TIMELESS: variants seen among roughly 807,000 people sequenced by gnomAD.
TIMELESS encodes the protein protein timeless homolog.
A neutral mutation model predicts 164.3 loss-of-function variants in TIMELESS; 124 were observed. The observed-to-expected ratio is 0.75, with a 90% confidence interval of 0.65 to 0.88. TIMELESS has a LOEUF of 0.88. Ranked by LOEUF, TIMELESS falls within the 40% of genes least tolerant of loss-of-function variation. TIMELESS has a pLI of 0.00. For missense variants in TIMELESS, 1,422 were observed against 1,491.4 expected, an observed-to-expected ratio of 0.95 and a Z score of 0.77; for synonymous variants, 564 against 563.4, an observed-to-expected ratio of 1.00 and a Z score of -0.02.
intron 18 of TIMELESS, 141 bp from the exon 19 acceptor site, chr12:56,423,133 C>A: frequency 7.2e-7 from 1 of 1,393,836 alleles, no homozygotes; most frequent in Non-Finnish European, 9.7e-7. Context: ...GCAGCTCCCT[C>A]AACCTGCCTG....
At chr12:56,423,058 G>C in intron 18 of TIMELESS, 66 bp from the exon 19 acceptor site, 1 of 1,557,348 alleles carries the variant, frequency 6.4e-7, no homozygotes, top group Non-Finnish European at 8.7e-7. Flanking sequence ...TGGCCCTCTA[G>C]GTATTTTCTC....
At position 56,417,699 on chromosome 12, in the gene TIMELESS, C is replaced by G. The variant is rs1324278363; in HGVS notation, c.*17G>C. The G allele has an allele frequency of 1.2e-6, 2 of 1,613,942 alleles. No individual in the cohort carries two copies. The highest frequency in any genetic ancestry group is 1.7e-6 in the Non-Finnish European group (2 of 1,179,924). On this transcript the variant is annotated 3_prime_UTR_variant, in exon 29 of 29. Transcript: ENST00000553532. ...TCTAAAAACGTGTCTATCTCTACCCCTAGGCTTCTTAGCTCTTCAGTCATC... is the reference window on the plus strand; with the variant it reads ...TCTAAAAACGTGTCTATCTCTACCCGTAGGCTTCTTAGCTCTTCAGTCATC...
intron 6 of TIMELESS, 62 bp downstream of exon 6, chr12:56,432,953 CAAAAAAAAAAA>C (rs67816652): frequency 1.1e-5 from 6 of 546,276 alleles, no homozygotes; most frequent in Non-Finnish European, 1.6e-5. Flanking sequence ...GACTCCGTCT[CAAAAAAAAAAA>C]AAAAAAAAAA....
At position 56,421,373 on chromosome 12, in the gene TIMELESS, T is replaced by C; in HGVS notation, c.2846A>G (p.Lys949Arg). The C allele has an allele frequency of 6.2e-7, 1 of 1,613,974 alleles. No individual in the cohort carries two copies. Among genetic ancestry groups the C allele is most frequent in the East Asian group, 2.2e-5 (1 of 44,888 alleles). The change falls in exon 23 of 29, where the codon AAA (lysine) becomes AGA (arginine). Residue 949 changes from lysine (K) to arginine (R), a missense_variant. Transcript: ENST00000553532. ...ERRELYKKRQ[K>R]KLASSILPNG... is the part of the protein sequence containing the mutation. ...TACCAAGATGGAGGATGCCAACTTT[T>C]TCTGCCGTTTCTTGTACAGCTCCCG...
In TIMELESS at chr12:56,423,487, C is replaced by T. The variant is rs1418419653; in HGVS notation, c.2091-12G>A. 3.1e-6 allele frequency: 5 copies of T among 1,613,820 alleles called. No homozygotes were observed. The highest frequency in any genetic ancestry group is 3.4e-6 in the Non-Finnish European group (4 of 1,179,896). Reference sequence around the variant, plus strand: ...TTGAACATGCAAAGCTGCACCAAAACAAGGAGGGAGAGGATGTCAGCATAA... The same window carrying T: ...TTGAACATGCAAAGCTGCACCAAAATAAGGAGGGAGAGGATGTCAGCATAA... On this transcript the variant is annotated splice_polypyrimidine_tract_variant and intron_variant, in intron 17 of 28. Transcript: ENST00000553532.
intron 1 of TIMELESS, among the ~76,000 whole-genome samples, chr12:56,437,753 A>G (rs1353322610): frequency 1.3e-5 from 2 of 152,200 alleles, no homozygotes; most frequent in African/African-American, 4.8e-5. Flanking sequence ...GGCAAGTCAT[A>G]TGCATCAAAG....
At position 56,423,051 on chromosome 12, in the gene TIMELESS, C is replaced by T. The variant is rs543378999; in HGVS notation, c.2293-59G>A. ...TGGTCCAATGCAGACCCGAACCTGG[C>T]CCTCTAGGTATTTTCTCTATAGCTG... On this transcript the variant is annotated intron_variant, in intron 18 of 28. Coordinates refer to ENST00000553532, the MANE Select transcript of TIMELESS (RefSeq NM_003920.5). The T allele has an allele frequency of 1.2e-5, 19 of 1,564,896 alleles. No individual in the cohort carries two copies. The Admixed American group carries it at 2.4e-4, about 20-fold the overall frequency.
In TIMELESS at chr12:56,420,653, T is replaced by C; in HGVS notation, c.3144A>G (p.Thr1048=). 1 of 1,614,250 alleles carries C rather than the reference T, an allele frequency of 6.2e-7. No homozygotes were observed. The highest frequency in any genetic ancestry group is 8.5e-7 in the Non-Finnish European group (1 of 1,180,038). The change falls in exon 26 of 29, where the codon ACA becomes ACG. Residue 1048 remains threonine (T), a synonymous_variant. Transcript: ENST00000553532. The part of the protein sequence containing the change: ...CSQAVPLVPL[T]EENEEAMENE... ...TTTCCATGGCTTCCTCATTTTCCTCTGTGAGTGGCACCAATGGAACGGCCT... is the reference window on the plus strand; with the variant it reads ...TTTCCATGGCTTCCTCATTTTCCTCCGTGAGTGGCACCAATGGAACGGCCT...
At chr12:56,435,700 C>T (rs886290522) in intron 1 of TIMELESS, among the ~76,000 whole-genome samples, 5 of 152,190 alleles carry the variant, frequency 3.3e-5, no homozygotes, top group Non-Finnish European at 7.3e-5. Context: ...TGGCTCATGC[C>T]TGTAATCCCA....
At chr12:56,437,501 G>C (rs1882111210) in intron 1 of TIMELESS, among the ~76,000 whole-genome samples, 1 of 151,734 alleles carries the variant, frequency 6.6e-6, no homozygotes, top group Non-Finnish European at 1.5e-5. Flanking sequence ...ACGGCTCACT[G>C]TAACTGAGGA....
At chr12:56,434,792 C>A (rs1314573062) in intron 1 of TIMELESS, among the ~76,000 whole-genome samples, 1 of 152,036 alleles carries the variant, frequency 6.6e-6, no homozygotes, top group Non-Finnish European at 1.5e-5. Context: ...TGGCTCATGC[C>A]TATAATCTCA....
chr12:56,423,592 G>A lies in TIMELESS; in HGVS notation c.2082C>T (p.Tyr694=), dbSNP rs775153230. 4.3e-6 allele frequency: 7 copies of A among 1,613,984 alleles called. No individual in the cohort carries two copies. The East Asian group carries it at 6.7e-5, about 15-fold the overall frequency. The change falls in exon 17 of 29, where the codon TAC becomes TAT. Residue 694 remains tyrosine, a synonymous_variant. Transcript: ENST00000553532. The stretch of plus-strand genomic sequence containing the variant: ...GGCCTCTCAGCCCGCACCGTTTCAG[G>A]TAGTCCAGAAAATTAAATTCTTTCT... The part of the protein sequence containing the change: ...VSEKEFNFLD[Y]LKRFACSTVV...
In TIMELESS at chr12:56,423,633, C is replaced by T. The variant is rs1881575893; in HGVS notation, c.2041G>A (p.Val681Met). The T allele has an allele frequency of 1.2e-6, 2 of 1,614,038 alleles. No individual in the cohort carries two copies. Among genetic ancestry groups the T allele is most frequent in the Admixed American group, 1.7e-5 (1 of 60,002 alleles). Residue 681 changes from valine (V) to methionine (M), a missense_variant, in exon 17 of 29, where the codon GTG becomes ATG. Physicochemically the swap from Val to Met is conservative, Grantham distance 21. Transcript: ENST00000553532. The part of the protein sequence containing the change: ...EEEEEEEELQ[V>M]VQVSEKEFNF... Reference sequence around the variant, plus strand: ...AATTCTTTCTCCGACACCTGGACCACTTGCAACTCCTCCTCTTCCTCCTCC... The same window carrying T: ...AATTCTTTCTCCGACACCTGGACCATTTGCAACTCCTCCTCTTCCTCCTCC...
intron 9 of TIMELESS, 36 bp downstream of exon 9, chr12:56,430,845 C>G: frequency 7.1e-7 from 1 of 1,410,660 alleles, no homozygotes; most frequent in Non-Finnish European, 9.8e-7. Context: ...CTATGCAACT[C>G]CACTATGTTC....
At chr12:56,434,252 A>T (rs1242243003) in intron 1 of TIMELESS, 21 bp from the exon 2 acceptor site, 11 of 1,163,352 alleles carry the variant, frequency 9.5e-6, no homozygotes, top group Admixed American at 5.4e-5. Context: ...AGAGAAAGAT[A>T]AAAAATGTAA....
chr12:56,434,259 G>T (rs971383558), intron 1 of TIMELESS, 28 bp from the exon 2 acceptor site: 18 of 1,074,562 alleles, frequency 1.7e-5, no homozygotes, highest in Middle Eastern at 4.0e-4. Context: ...GATAAAAAAT[G>T]TAAGTTCCTC....
chr12:56,422,217 C>T, intron 19 of TIMELESS, 26 bp from the exon 20 acceptor site: 1 of 1,609,382 alleles, frequency 6.2e-7, no homozygotes, highest in Non-Finnish European at 8.5e-7. Context: ...AGAAAGGGAG[C>T]ATATAGGTTC....
chr12:56,440,984 AT>A (rs34981720), intron 1 of TIMELESS, among the ~76,000 whole-genome samples: 1 of 112,988 alleles, frequency 8.9e-6, no homozygotes, highest in African/African-American at 3.1e-5. Context: ...TGCCAGGCTA[AT>A]TTTTTTGTGT....
intron 13 of TIMELESS, 56 bp from the exon 14 acceptor site, chr12:56,425,208 T>C (rs528819770): frequency 6.5e-7 from 1 of 1,532,972 alleles, no homozygotes; most frequent in African/African-American, 1.4e-5. Context: ...GCTTTCCCCA[T>C]CAGTGTCTTT....
Sources: gnomAD v4.1 joint callset for allele counts (sites outside exome capture counted in the v4.1 genomes callset) on GRCh38, gnomAD v4.1.1 for gene constraint, MANE v1.5 for transcripts, NCBI Gene and HGNC (gene_info 2026-07-23, HGNC 2026-07-21) for gene names.